Variants in PLEKHA6 observed in about 807,000 individuals in gnomAD.
The protein encoded by PLEKHA6 is pleckstrin homology domain containing A6.
In PLEKHA6, 60 loss-of-function variants were observed where a neutral mutation model predicts 116.7. That is an observed-to-expected ratio of 0.51 (90% CI 0.42 to 0.64). The LOEUF (loss-of-function observed/expected upper bound fraction) is 0.64. Ranked by LOEUF, PLEKHA6 falls within the 30% of genes least tolerant of loss-of-function variation. The probability of loss-of-function intolerance (pLI) is 0.00; values close to 1 mark genes in which losing one functional copy is unlikely to be tolerated. For synonymous variants in PLEKHA6, 489 were observed against 556.1 expected (o/e 0.88, Z 1.70); for missense variants, 1,338 against 1,422.7 (o/e 0.94, Z 0.96).
chr1:204,264,192 A>G (rs975085921), intron 6 of PLEKHA6, among the ~76,000 whole-genome samples: 24 of 152,206 alleles, frequency 1.6e-4, no homozygotes, highest in African/African-American at 5.8e-4. Context: ...AAAGGGACCT[A>G]TGATTTTTAC....
At chr1:204,245,877 CAT>C in intron 13 of PLEKHA6, 151 bp from the exon 14 acceptor site, 3 of 566,988 alleles carry the variant, frequency 5.3e-6, no homozygotes, top group Admixed American at 3.1e-5. Context: ...CACACACACA[CAT>C]GCCCCTCCAG....
At chr1:204,276,213 AGTCTATGTG>A (rs1667987973) in intron 1 of PLEKHA6, among the ~76,000 whole-genome samples, 1 of 152,184 alleles carries the variant, frequency 6.6e-6, no homozygotes, top group Non-Finnish European at 1.5e-5. Flanking sequence ...CAGTGCCTAC[AGTCTATGTG>A]GAAATCTGGG....
intron 1 of PLEKHA6, among the ~76,000 whole-genome samples, chr1:204,297,631 G>T (rs1328596673): frequency 6.6e-6 from 1 of 152,008 alleles, no homozygotes. Flanking sequence ...GTGGGTAACA[G>T]TTTCTACTTC....
At position 204,239,004 on chromosome 1, in the gene PLEKHA6, A is replaced by C. The variant is rs533256997; in HGVS notation, c.2409+2371T>G. On this transcript the variant is annotated intron_variant, in intron 17 of 22. Transcript: ENST00000272203. Reference sequence around the variant, plus strand: ...AGGGACTTTGAAGAAGTATGACTGGAAAATTGGTGACAAAGAAATTTGGGG... The same window carrying C: ...AGGGACTTTGAAGAAGTATGACTGGCAAATTGGTGACAAAGAAATTTGGGG... 5.5e-4 allele frequency among the ~76,000 whole-genome samples: 84 copies of C among 152,362 alleles called. 2 individuals are homozygous for C. In the South Asian group the frequency reaches 0.016, roughly 29 times the overall value.
intron 1 of PLEKHA6, chr1:204,301,630 G>C (rs1034547040): frequency 1.5e-5 from 3 of 205,122 alleles, no homozygotes; most frequent in Middle Eastern, 2.4e-3. Flanking sequence ...CAGAGAGAAG[G>C]GGGGCTTGAG....
At chr1:204,234,338 G>C (rs1661640469) in intron 17 of PLEKHA6, among the ~76,000 whole-genome samples, 1 of 152,120 alleles carries the variant, frequency 6.6e-6, no homozygotes, top group Non-Finnish European at 1.5e-5. Context: ...AACCCTGCTG[G>C]CACCTTGATT....
chr1:204,254,118 C>T (rs1664953203), intron 9 of PLEKHA6, among the ~76,000 whole-genome samples: 1 of 152,234 alleles, frequency 6.6e-6, no homozygotes, highest in African/African-American at 2.4e-5. Flanking sequence ...CTGCTCCTCA[C>T]CCCTGCAAGG....
intron 1 of PLEKHA6, among the ~76,000 whole-genome samples, chr1:204,351,573 C>G (rs1400945601): frequency 1.3e-5 from 2 of 152,208 alleles, no homozygotes; most frequent in East Asian, 3.9e-4. Context: ...TAAGGAAGAG[C>G]TAATATTTTC....
Position 204,261,180 on chromosome 1 carries a change from C to T in PLEKHA6, c.524+126G>A, listed in dbSNP as rs912450863. 30 of 1,144,934 alleles carry T rather than the reference C, an allele frequency of 2.6e-5. No individual in the cohort carries two copies. The highest frequency in any genetic ancestry group is 1.2e-4 in the East Asian group (5 of 40,868). The allele number at this position is 1,144,934 out of a possible 1,614,324, so 70.9% of individuals were successfully genotyped here. On this transcript the variant is annotated intron_variant, in intron 7 of 22. Transcript: ENST00000272203. This position sits in a 1 kb window ranked among gnomAD's most constrained non-coding sequence, Gnocchi z 4.0. ...GGCCTCCCGCCTGGATGCAAGGAGA[C>T]GGCTCACACATTCTCCAGGGCTTCA... is the stretch of plus-strand genomic sequence containing the variant.
chr1:204,290,655 A>G (rs1669651912), intron 1 of PLEKHA6, among the ~76,000 whole-genome samples: 1 of 152,214 alleles, frequency 6.6e-6, no homozygotes, highest in Non-Finnish European at 1.5e-5. Context: ...AGAAAAATCA[A>G]TAAATTGAAA....
intron 15 of PLEKHA6, among the ~76,000 whole-genome samples, chr1:204,242,431 C>T (rs1437316528): frequency 1.3e-5 from 2 of 152,186 alleles, no homozygotes; most frequent in Non-Finnish European, 1.5e-5. Flanking sequence ...CTGTCACATA[C>T]GGGTAACATT....
At chr1:204,289,783 T>C (rs891226476) in intron 1 of PLEKHA6, among the ~76,000 whole-genome samples, 5 of 152,240 alleles carry the variant, frequency 3.3e-5, no homozygotes, top group African/African-American at 1.2e-4. Context: ...TATCATGTCA[T>C]GCAAATGCCC....
intron 1 of PLEKHA6, chr1:204,282,625 C>T: frequency 1.0e-6 from 1 of 983,684 alleles, no homozygotes; most frequent in Non-Finnish European, 1.2e-6. Flanking sequence ...CGGGTACAGC[C>T]AGTCCTTAAC....
chr1:204,315,854 G>A (rs1671837838), intron 1 of PLEKHA6, among the ~76,000 whole-genome samples: 1 of 152,252 alleles, frequency 6.6e-6, no homozygotes, highest in Non-Finnish European at 1.5e-5. Flanking sequence ...AGCATGAGAG[G>A]AGGAGGCTGG....
At chr1:204,356,584 T>TAATAATAATAATAATAA (rs201831151) in intron 1 of PLEKHA6, among the ~76,000 whole-genome samples, 50 of 127,602 alleles carry the variant, frequency 3.9e-4, no homozygotes, top group African/African-American at 1.4e-3. Context: ...AATAATAATA[T>TAATAATAATAATAATAA]TAATAATAAT....
intron 2 of PLEKHA6, among the ~76,000 whole-genome samples, chr1:204,369,905 T>A (rs532212775): frequency 6.6e-6 from 1 of 152,300 alleles, no homozygotes; most frequent in South Asian, 2.1e-4. Flanking sequence ...AAGTTGGAAA[T>A]ACAATGGTGA....
chr1:204,290,235 TGAA>T (rs1669606864), intron 1 of PLEKHA6, among the ~76,000 whole-genome samples: 1 of 152,180 alleles, frequency 6.6e-6, no homozygotes, highest in South Asian at 2.1e-4. Flanking sequence ...TCAAAAGCTT[TGAA>T]GAAGAATAGG....
upstream of PLEKHA6, among the ~76,000 whole-genome samples, chr1:204,362,001 G>T (rs149064518): frequency 6.6e-6 from 1 of 152,242 alleles, no homozygotes; most frequent in South Asian, 2.1e-4. Context: ...GGCAAGGGCC[G>T]CAGACGAGTC....
intron 4 of PLEKHA6, 101 bp downstream of exon 4, chr1:204,268,107 C>A: frequency 1.5e-6 from 1 of 658,428 alleles, no homozygotes; most frequent in Non-Finnish European, 2.6e-6. Context: ...AGCAGGGGGA[C>A]ATACCAAAAA....
Sources: allele counts gnomAD v4.1 joint callset (sites outside exome capture counted in the v4.1 genomes callset), GRCh38; gene constraint gnomAD v4.1.1; non-coding constraint Gnocchi (gnomAD v3.1); transcripts MANE v1.5; gene names NCBI Gene and HGNC (gene_info 2026-07-23, HGNC 2026-07-21).